Variants in HOPX observed in about 807,000 individuals in gnomAD.
The protein encoded by HOPX is homeodomain-only protein.
HOPX carries 5 observed loss-of-function variants against 11.8 expected under a neutral mutation model. The observed-to-expected ratio is 0.43, with a 90% CI of 0.22 to 0.89. HOPX has a LOEUF of 0.89. Among genes scored for constraint, HOPX ranks in the 40% least tolerant of loss-of-function variants. The pLI, the probability that HOPX is intolerant of heterozygous loss-of-function variation, is 0.28. For synonymous variants in HOPX, 49 were observed against 49.7 expected (o/e 0.99, Z 0.06); for missense variants, 119 against 120.0 (o/e 0.99, Z 0.04).
chr4:56,674,045 G>C (rs1185330658), intron 1 of HOPX, among the ~76,000 whole-genome samples: 3 of 151,456 alleles, frequency 2.0e-5, no homozygotes, highest in Admixed American at 1.3e-4. Flanking sequence ...TTTAACTCTT[G>C]AGTTAGTTCC....
intron 1 of HOPX, 88 bp from the exon 2 acceptor site, chr4:56,657,987 C>G: frequency 7.9e-7 from 1 of 1,264,854 alleles, no homozygotes; most frequent in Non-Finnish European, 1.1e-6. Context: ...CCTAGTAGGA[C>G]ACCAATTCTA....
intron 3 of HOPX, chr4:56,649,847 G>T: frequency 6.6e-6 from 1 of 152,486 alleles, no homozygotes; most frequent in Non-Finnish European, 1.5e-5. Flanking sequence ...GGACCAGGTT[G>T]ATCAAGAGGA....
At position 56,657,891 on chromosome 4, in the gene HOPX, G is replaced by C; in HGVS notation, c.-75C>G. On this transcript the variant is annotated 5_prime_UTR_variant, in exon 2 of 4. Coordinates refer to ENST00000420433, the MANE Select transcript of HOPX (RefSeq NM_032495.6). Reference sequence around the variant, plus strand: ...TAGACCCTTCTCAGTGGGGCAGTCTGTCATTAGTCTGGTAGGAAAAATCAG... The same window carrying C: ...TAGACCCTTCTCAGTGGGGCAGTCTCTCATTAGTCTGGTAGGAAAAATCAG... 7.7e-6 allele frequency: 12 copies of C among 1,550,976 alleles called. No individual in the cohort carries two copies. The highest frequency in any genetic ancestry group is 1.0e-5 in the Non-Finnish European group (12 of 1,146,752).
At chr4:56,666,736 T>C (rs1718460434) in intron 1 of HOPX, among the ~76,000 whole-genome samples, 1 of 152,170 alleles carries the variant, frequency 6.6e-6, no homozygotes, top group South Asian at 2.1e-4. Flanking sequence ...ATAATTTCCA[T>C]ATAGATCTCC....
intron 1 of HOPX, chr4:56,662,630 C>T (rs1366756862): frequency 1.3e-5 from 2 of 152,152 alleles, no homozygotes; most frequent in African/African-American, 4.8e-5. Context: ...GTGCACACCA[C>T]CACACCTTGC....
intron 1 of HOPX, among the ~76,000 whole-genome samples, chr4:56,669,953 T>C (rs1718650742): frequency 6.6e-6 from 1 of 152,142 alleles, no homozygotes; most frequent in South Asian, 2.1e-4. Context: ...TAAAAATGCA[T>C]AGTGTTGCAG....
chr4:56,656,208 C>T, intron 2 of HOPX, 196 bp from the exon 3 acceptor site: 1 of 1,133,692 alleles, frequency 8.8e-7, no homozygotes, highest in Non-Finnish European at 1.1e-6. Context: ...GCCTCCCTCC[C>T]TGGACTGAGC....
chr4:56,656,077 A>AGGCGGTCGCG, intron 2 of HOPX, 65 bp from the exon 3 acceptor site: 1 of 1,393,634 alleles, frequency 7.2e-7, no homozygotes, highest in Non-Finnish European at 9.3e-7. Context: ...CAGCGAAGGA[A>AGGCGGTCGCG]GGCGGTCGCG....
chr4:56,662,534 C>CA (rs1264395974), intron 1 of HOPX: 1 of 149,656 alleles, frequency 6.7e-6, no homozygotes, highest in Non-Finnish European at 1.5e-5. Flanking sequence ...GGCTGGAGTG[C>CA]AGTGGTGTGA....
chr4:56,652,848 A>G (rs1165786097), intron 3 of HOPX, among the ~76,000 whole-genome samples: 1 of 152,098 alleles, frequency 6.6e-6, no homozygotes, highest in Non-Finnish European at 1.5e-5. Context: ...AGAAAGAAAG[A>G]AAAAGAAACT....
intron 1 of HOPX, among the ~76,000 whole-genome samples, chr4:56,667,368 T>C (rs1718492578): frequency 6.6e-6 from 1 of 152,240 alleles, no homozygotes; most frequent in Admixed American, 6.5e-5. Context: ...GCCTCTTCTC[T>C]ATTATCCAGT....
At chr4:56,667,375 C>G (rs1029684922) in intron 1 of HOPX, among the ~76,000 whole-genome samples, 12 of 152,032 alleles carry the variant, frequency 7.9e-5, no homozygotes, top group Non-Finnish European at 1.3e-4. Flanking sequence ...CTCTATTATC[C>G]AGTTTGAAAA....
intron 1 of HOPX, among the ~76,000 whole-genome samples, chr4:56,670,994 A>T (rs1169764790): frequency 6.6e-6 from 1 of 151,996 alleles, no homozygotes. Context: ...AAAAAAATCA[A>T]ATACAGATAA....
At chr4:56,662,643 A>C (rs1255700020) in intron 1 of HOPX, 2 of 151,898 alleles carry the variant, frequency 1.3e-5, no homozygotes, top group Non-Finnish European at 2.9e-5. Context: ...CACCTTGCTA[A>C]TTTTTGTATT....
chr4:56,650,750 G>A (rs1163959943), intron 3 of HOPX: 20 of 1,551,298 alleles, frequency 1.3e-5, no homozygotes, highest in Non-Finnish European at 1.7e-5. Flanking sequence ...CATGGGGGTA[G>A]CCTTCTCTTT....
At position 56,665,657 on chromosome 4, in the gene HOPX, G is replaced by A. The variant is rs560026513; in HGVS notation, c.-83-7758C>T. On this transcript the variant is annotated intron_variant, in intron 1 of 3. Transcript: ENST00000420433. ...AACATATTTGTTGAATAATTACTGT[G>A]TGCCAGGTCCTGTCTAAGTGCCTTA... 18 of 152,246 alleles carry A rather than the reference G, an allele frequency of 1.2e-4. No individual in the cohort carries two copies. The East Asian group carries it at 2.3e-3, about 20-fold the overall frequency. The allele number at this position is 152,246 out of a possible 1,614,324, so 9.4% of individuals were successfully genotyped here. A position where few individuals can be genotyped will look rare whatever the true frequency, so the allele number is the denominator to read the frequency against.
At chr4:56,655,077 A>G (rs1212854199) in intron 3 of HOPX, among the ~76,000 whole-genome samples, 1 of 152,202 alleles carries the variant, frequency 6.6e-6, no homozygotes, top group Non-Finnish European at 1.5e-5. Context: ...TTTTCGGGAT[A>G]ATACAGGAGC....
At chr4:56,671,673 C>T (rs575177265) in intron 1 of HOPX, among the ~76,000 whole-genome samples, 2 of 152,122 alleles carry the variant, frequency 1.3e-5, no homozygotes, top group East Asian at 3.9e-4. Flanking sequence ...CAGCTTTAGC[C>T]AGCTCATTAA....
At chr4:56,653,873 C>G (rs1294834034) in intron 3 of HOPX, among the ~76,000 whole-genome samples, 1 of 152,196 alleles carries the variant, frequency 6.6e-6, no homozygotes, top group East Asian at 1.9e-4. Context: ...AGAAAAAAAG[C>G]AGGTGCCCTT....
Sources: allele counts gnomAD v4.1 joint callset (sites outside exome capture counted in the v4.1 genomes callset), GRCh38; gene constraint gnomAD v4.1.1; transcripts MANE v1.5; gene names NCBI Gene and HGNC (gene_info 2026-07-23, HGNC 2026-07-21).